NOX4: variants seen among roughly 807,000 people sequenced by gnomAD.
NOX4 encodes kidney oxidase-1.
NOX4 carries 69 observed loss-of-function variants against 87.6 expected under a neutral mutation model. That is an observed-to-expected ratio of 0.79 (90% CI 0.65 to 0.96). The LOEUF (loss-of-function observed/expected upper bound fraction) is 0.96. Among genes scored for constraint, NOX4 ranks in the 40% least tolerant of loss-of-function variants. The probability of loss-of-function intolerance (pLI) is 0.00; values close to 1 mark genes in which losing one functional copy is unlikely to be tolerated. For synonymous variants in NOX4, 275 were observed against 238.2 expected (o/e 1.15, Z -1.42); for missense variants, 680 against 681.5 (o/e 1.00, Z 0.02).
At chr11:89,460,863 G>A (rs1945428660) in intron 2 of NOX4, among the ~76,000 whole-genome samples, 1 of 152,174 alleles carries the variant, frequency 6.6e-6, no homozygotes, top group Non-Finnish European at 1.5e-5. Flanking sequence ...GCACACGTAT[G>A]TTTATTGTGC....
intron 2 of NOX4, among the ~76,000 whole-genome samples, chr11:89,486,464 A>ATGTGTGTGTGTG (rs4002196): frequency 8.7e-4 from 123 of 141,428 alleles, no homozygotes; most frequent in African/African-American, 2.8e-3. Flanking sequence ...CAGCTAATAT[A>ATGTGTGTGTGTG]TGTGTGTGTG....
intron 3 of NOX4, among the ~76,000 whole-genome samples, chr11:89,450,631 T>G (rs113636295): frequency 4.5e-4 from 68 of 152,104 alleles, no homozygotes; most frequent in African/African-American, 1.6e-3. Context: ...TGCAGGTTAG[T>G]TACATATGTA....
At chr11:89,577,817 T>C in the NOX4 span, among the ~76,000 whole-genome samples, 1 of 152,142 alleles carries the variant, frequency 6.6e-6, no homozygotes, top group Non-Finnish European at 1.5e-5. Context: ...TTAATTTATA[T>C]ATTAATAAAG....
At chr11:89,398,779 A>G (rs1941649565) in intron 11 of NOX4, among the ~76,000 whole-genome samples, 1 of 151,956 alleles carries the variant, frequency 6.6e-6, no homozygotes, top group African/African-American at 2.4e-5. Flanking sequence ...GAAAATGAAT[A>G]AAGTCCAAAT....
chr11:89,336,221 G>A, intron 16 of NOX4: 2 of 265,400 alleles, frequency 7.5e-6, no homozygotes, highest in Non-Finnish European at 7.1e-6. Flanking sequence ...ATTTTTAAAT[G>A]AATCAATTGT....
intron 11 of NOX4, among the ~76,000 whole-genome samples, chr11:89,390,222 G>T (rs1242647908): frequency 6.6e-6 from 1 of 152,142 alleles, no homozygotes; most frequent in Non-Finnish European, 1.5e-5. Context: ...ATTTAGCTTA[G>T]AAATATTTGC....
intron 11 of NOX4, among the ~76,000 whole-genome samples, chr11:89,390,399 A>G (rs1941044160): frequency 6.6e-6 from 1 of 152,210 alleles, no homozygotes; most frequent in Non-Finnish European, 1.5e-5. Context: ...GGTCTGATAA[A>G]AATAATTTCT....
chr11:89,581,782 A>G, the NOX4 span, among the ~76,000 whole-genome samples: 2,726 of 152,256 alleles, frequency 0.018, 78 homozygotes, highest in African/African-American at 0.062. Flanking sequence ...GTAACTATAC[A>G]CCCATAAAAT....
At chr11:89,424,880 A>G (rs1350938138) in intron 7 of NOX4, among the ~76,000 whole-genome samples, 1 of 152,244 alleles carries the variant, frequency 6.6e-6, no homozygotes, top group East Asian at 1.9e-4. Flanking sequence ...AAGGTAAAAT[A>G]AAAGAGATAT....
chr11:89,513,617 G>A, the NOX4 span, among the ~76,000 whole-genome samples: 20 of 151,882 alleles, frequency 1.3e-4, no homozygotes, highest in South Asian at 6.2e-4. Flanking sequence ...TTAATCCATC[G>A]TATTAGTTCT....
At chr11:89,410,425 C>T (rs1387803097) in intron 8 of NOX4, among the ~76,000 whole-genome samples, 1 of 152,152 alleles carries the variant, frequency 6.6e-6, no homozygotes, top group Non-Finnish European at 1.5e-5. Context: ...TCAGCTTCAT[C>T]CAGTAAATAC....
At chr11:89,454,360 T>C (rs1258531248) in intron 2 of NOX4, among the ~76,000 whole-genome samples, 1 of 152,138 alleles carries the variant, frequency 6.6e-6, no homozygotes, top group Non-Finnish European at 1.5e-5. Flanking sequence ...GATGTTATTA[T>C]TGCCATGTTG....
the NOX4 span, among the ~76,000 whole-genome samples, chr11:89,571,894 A>T: frequency 6.6e-6 from 1 of 152,144 alleles, no homozygotes; most frequent in Non-Finnish European, 1.5e-5. Flanking sequence ...TCTGAGGCTC[A>T]CCTGAGACAA....
the NOX4 span, among the ~76,000 whole-genome samples, chr11:89,540,779 C>T: frequency 1.0e-5 from 1 of 96,694 alleles, no homozygotes; most frequent in Non-Finnish European, 2.0e-5. Context: ...CAGAGCAAGA[C>T]TCCGTCTAAA....
the NOX4 span, among the ~76,000 whole-genome samples, chr11:89,566,043 C>CTTTTTTTTTTTTTTTTTT: frequency 8.1e-6 from 1 of 122,862 alleles, no homozygotes; most frequent in African/African-American, 3.2e-5. Context: ...TTCTTTTTTT[C>CTTTTTTTTTTTTTTTTTT]TTTTTTTTTT....
intron 3 of NOX4, among the ~76,000 whole-genome samples, chr11:89,450,709 C>G (rs968134901): frequency 1.3e-5 from 2 of 149,660 alleles, no homozygotes; most frequent in African/African-American, 2.5e-5. Flanking sequence ...TCTCCTAATG[C>G]CATCCCTCCC....
At chr11:89,511,635 C>T in the NOX4 span, among the ~76,000 whole-genome samples, 10 of 151,942 alleles carry the variant, frequency 6.6e-5, no homozygotes, top group Non-Finnish European at 1.3e-4. Flanking sequence ...AGTCTATTTC[C>T]TCTTTTAAAT....
rs187325846 is a variant in NOX4 at position 89,328,570 on chromosome 11, C to T, written c.1617-1694G>A. ...AAATAAATAAATCAAAATTTGGCAA[C>T]TAACATTTAAACTTTAAAATGTACA... On this transcript the variant is annotated intron_variant, in intron 17 of 17. Coordinates refer to ENST00000263317, the MANE Select transcript of NOX4 (RefSeq NM_016931.5). 2.1e-3 allele frequency among the ~76,000 whole-genome samples: 314 copies of T among 152,158 alleles called. 1 individual carries two copies. The highest frequency in any genetic ancestry group is 7.2e-3 in the African/African-American group (300 of 41,510).
chr11:89,474,284 A>C (rs1946072915), intron 2 of NOX4, among the ~76,000 whole-genome samples: 1 of 152,104 alleles, frequency 6.6e-6, no homozygotes, highest in Non-Finnish European at 1.5e-5. Context: ...TTACAAAGAC[A>C]AAGGAAATGC....
Sources: allele counts gnomAD v4.1 joint callset (sites outside exome capture counted in the v4.1 genomes callset), GRCh38; gene constraint gnomAD v4.1.1; transcripts MANE v1.5; gene names NCBI Gene and HGNC (gene_info 2026-07-23, HGNC 2026-07-21).